Variants in ASPA observed in about 807,000 individuals in gnomAD.
ASPA encodes the protein ACY-2.
In ASPA, 25 loss-of-function variants were observed where a neutral mutation model predicts 29.6. The ratio of observed to expected loss-of-function variants is 0.85; its 90% confidence interval spans 0.62 to 1.18. The LOEUF (loss-of-function observed/expected upper bound fraction) is 1.18. Ranked by LOEUF, ASPA falls within the 50% of genes most tolerant of loss-of-function variation. The pLI, the probability that ASPA is intolerant of heterozygous loss-of-function variation, is 0.00. For synonymous variants in ASPA, 131 were observed against 130.3 expected, an observed-to-expected ratio of 1.01 and a Z score of -0.04; for missense variants, 333 against 385.7, an observed-to-expected ratio of 0.86 and a Z score of 1.14.
At chr17:3,482,408 C>T (rs765717556) in intron 2 of ASPA, among the ~76,000 whole-genome samples, 1 of 152,062 alleles carries the variant, frequency 6.6e-6, no homozygotes, top group African/African-American at 2.4e-5. Flanking sequence ...AAATAGCAAC[C>T]AACCAGAAAC....
At position 3,481,697 on chromosome 17, in the gene ASPA, A is replaced by G. The variant is rs181347986; in HGVS notation, c.331A>G (p.Ile111Val). 8 of 1,613,886 alleles carry G rather than the reference A, an allele frequency of 5.0e-6. No homozygotes were observed. In the East Asian group the frequency reaches 8.9e-5, roughly 18 times the overall value. The stretch of plus-strand genomic sequence containing the variant: ...AAAAGACAGTGAAGATTCCTATGAC[A>G]TTATTTTTGACCTTCACAACACCAC... ...GPKDSEDSYD[I>V]IFDLHNTTSN... The change falls in exon 2 of 6, where the codon ATT becomes GTT. Residue 111 changes from isoleucine (I) to valine (V), a missense_variant. Physicochemically the swap from Ile to Val is conservative, Grantham distance 29. Transcript: ENST00000263080.
rs1463857471 is a variant in ASPA, at chr17:3,488,554, G to A, written c.527-681G>A. On this transcript the variant is annotated intron_variant, in intron 3 of 5. Coordinates refer to ENST00000263080, the MANE Select transcript of ASPA (RefSeq NM_000049.4). The surrounding 1 kb of genome is among the most constrained non-coding windows in gnomAD (Gnocchi z 6.1). ...TGCCTGTAATCCCAGCTACTCGGGA[G>A]GCTGAGGCAGAAGAATCGCTTGAAC... Among the ~76,000 whole-genome samples the A allele has an allele frequency of 6.6e-6, 1 of 152,196 alleles. No homozygotes were observed. The highest frequency in any genetic ancestry group is 1.5e-5 in the Non-Finnish European group (1 of 68,032).
intron 1 of ASPA, among the ~76,000 whole-genome samples, chr17:3,477,410 G>T (rs1327407021): frequency 6.6e-6 from 1 of 152,164 alleles, no homozygotes; most frequent in Non-Finnish European, 1.5e-5. Context: ...AGCTACCACT[G>T]TGGATATAAT....
chr17:3,476,051 G>T lies in ASPA; in HGVS notation c.-109G>T. The T allele has an allele frequency of 2.0e-6, 2 of 1,003,976 alleles. No homozygotes were observed. The highest frequency in any genetic ancestry group is 3.0e-6 in the Non-Finnish European group (2 of 656,204). The allele number at this position is 1,003,976 out of a possible 1,614,324, so 62.2% of individuals were successfully genotyped here. ...TCCACTCAAGGGAATTCTGTACTTT[G>T]CCCTTTGGGTAAAGTCTCATTTACA... On this transcript the variant is annotated 5_prime_UTR_variant, in exon 1 of 6. Coordinates refer to ENST00000263080, the MANE Select transcript of ASPA (RefSeq NM_000049.4).
chr17:3,499,057 A>T lies in ASPA; in HGVS notation c.911A>T (p.Asn304Ile). 6.2e-7 allele frequency: 1 copy of T among 1,614,194 alleles called. No individual in the cohort carries two copies. Among genetic ancestry groups the T allele is most frequent in the Non-Finnish European group, 8.5e-7 (1 of 1,180,022 alleles). Residue 304 changes from asparagine (N) to isoleucine (I), a missense_variant, in exon 6 of 6, where the codon AAT becomes ATT. Coordinates refer to ENST00000263080, the MANE Select transcript of ASPA (RefSeq NM_000049.4). ...GCAAAGACAACTAAACTAACGCTCA[A>T]TGCAAAAAGTATTCGCTGCTGTTTA... ...AFAKTTKLTL[N>I]AKSIRCCLH is the part of the protein sequence containing the mutation.
At chr17:3,496,986 A>G (rs926697367) in intron 5 of ASPA, among the ~76,000 whole-genome samples, 5 of 152,138 alleles carry the variant, frequency 3.3e-5, no homozygotes, top group African/African-American at 1.2e-4. Flanking sequence ...AAATTGCTTG[A>G]ACTCGGGAGG....
At chr17:3,497,587 G>A (rs2073930170) in intron 5 of ASPA, among the ~76,000 whole-genome samples, 1 of 152,272 alleles carries the variant, frequency 6.6e-6, no homozygotes. Flanking sequence ...TGATTTATCT[G>A]AAATGGGCCA....
At chr17:3,495,936 A>C (rs3786010) in intron 5 of ASPA, among the ~76,000 whole-genome samples, 18,654 of 152,168 alleles carry the variant, frequency 0.12, 2,273 homozygotes, top group East Asian at 0.65. Flanking sequence ...TGGTGACAAA[A>C]ATATCAAGTA....
At chr17:3,482,709 C>T (rs1299588491) in intron 2 of ASPA, among the ~76,000 whole-genome samples, 2 of 151,986 alleles carry the variant, frequency 1.3e-5, no homozygotes, top group African/African-American at 4.8e-5. Context: ...TTTTGTTTCC[C>T]TTCAGTTTTG....
At chr17:3,496,789 A>G (rs375595527) in intron 5 of ASPA, among the ~76,000 whole-genome samples, 156 of 152,306 alleles carry the variant, frequency 1.0e-3, no homozygotes, top group Middle Eastern at 3.4e-3. Flanking sequence ...ATTCCTGGCC[A>G]GGAGCGGTGG....
At chr17:3,495,951 A>T (rs1055695256) in intron 5 of ASPA, among the ~76,000 whole-genome samples, 1 of 152,188 alleles carries the variant, frequency 6.6e-6, no homozygotes, top group African/African-American at 2.4e-5. Context: ...CAAGTACAAG[A>T]AACAGAGGCC....
rs1567621902 is a variant in ASPA at position 3,502,148 on chromosome 17, C to T, written c.*3060C>T. On this transcript the variant is annotated 3_prime_UTR_variant, in exon 6 of 6. Coordinates refer to ENST00000263080, the MANE Select transcript of ASPA (RefSeq NM_000049.4). ...CCTGATCAGGCAGCCATCATCAAGG[C>T]AAGGCCCTCCACCAGCAAAAAGATC... The T allele has an allele frequency of 6.6e-6, 1 of 152,238 alleles. No homozygotes were observed. Among genetic ancestry groups the T allele is most frequent in the Non-Finnish European group, 1.5e-5 (1 of 68,046 alleles). The allele number at this position is 152,238 out of a possible 1,614,324, so 9.4% of individuals were successfully genotyped here. A position where few individuals can be genotyped will look rare whatever the true frequency, so the allele number is the denominator to read the frequency against.
At chr17:3,489,475 C>T (rs1343315490) in intron 4 of ASPA, 133 bp downstream of exon 4, 4 of 713,428 alleles carry the variant, frequency 5.6e-6, no homozygotes, top group African/African-American at 3.5e-5. Context: ...CAGCTATTCC[C>T]CAATGGCCAG....
chr17:3,483,311 A>G (rs1013740398), intron 2 of ASPA, among the ~76,000 whole-genome samples, 188 bp from the exon 3 acceptor site: 1 of 152,192 alleles, frequency 6.6e-6, no homozygotes, highest in African/African-American at 2.4e-5. Flanking sequence ...TATGAATTTC[A>G]TATTGTATAA....
intron 4 of ASPA, among the ~76,000 whole-genome samples, chr17:3,491,128 G>A (rs75279424): frequency 2.2e-3 from 337 of 152,280 alleles, no homozygotes; most frequent in Non-Finnish European, 3.7e-3. Context: ...AGACATATGC[G>A]ACATGCTTAG....
At chr17:3,478,576 C>A (rs1253864085) in intron 1 of ASPA, among the ~76,000 whole-genome samples, 1 of 152,148 alleles carries the variant, frequency 6.6e-6, no homozygotes, top group African/African-American at 2.4e-5. Context: ...ATATTAACTT[C>A]CCAAATAGGT....
At chr17:3,483,640 T>C in intron 3 of ASPA, 48 bp downstream of exon 3, 2 of 1,492,452 alleles carry the variant, frequency 1.3e-6, no homozygotes, top group Non-Finnish European at 1.9e-6. Context: ...ATGTCCTAGC[T>C]GAAACTCAGA....
intron 2 of ASPA, among the ~76,000 whole-genome samples, chr17:3,482,504 C>G (rs1471387333): frequency 6.6e-6 from 1 of 151,112 alleles, no homozygotes; most frequent in African/African-American, 2.4e-5. Context: ...AAGAGTGTGG[C>G]CTGTGCTCAG....
At chr17:3,486,378 G>A (rs549899577) in intron 3 of ASPA, among the ~76,000 whole-genome samples, 92 of 152,316 alleles carry the variant, frequency 6.0e-4, no homozygotes, top group Middle Eastern at 6.8e-3. Context: ...TCTTGCTCAT[G>A]AGACTTGCAG....
Sources: gnomAD v4.1 joint callset for allele counts (sites outside exome capture counted in the v4.1 genomes callset) on GRCh38, gnomAD v4.1.1 for gene constraint, Gnocchi (gnomAD v3.1) non-coding constraint, MANE v1.5 for transcripts, NCBI Gene and HGNC (gene_info 2026-07-23, HGNC 2026-07-21) for gene names.